RGS6: variants seen among roughly 807,000 people sequenced by gnomAD.
RGS6 encodes regulator of G-protein signaling 6.
In RGS6, 30 loss-of-function variants were observed where a neutral mutation model predicts 78.5. The observed-to-expected ratio is 0.38, with a 90% confidence interval of 0.29 to 0.52. The LOEUF (loss-of-function observed/expected upper bound fraction) is 0.52, where lower values mean the gene tolerates loss of function less well. RGS6 is among the 20% of genes least tolerant of loss of function. The pLI is 0.85. For synonymous variants in RGS6, 206 were observed against 206.0 expected (o/e 1.00, Z 0.00); for missense variants, 495 against 609.7 (o/e 0.81, Z 1.98).
chr14:72,498,322 T>C (rs1157507053), intron 13 of RGS6, among the ~76,000 whole-genome samples: 4 of 152,236 alleles, frequency 2.6e-5, no homozygotes, highest in African/African-American at 9.6e-5. Context: ...TAGAGAATCA[T>C]CATTTCTGCT....
chr14:72,033,141 A>G (rs1486220267), intron 2 of RGS6, among the ~76,000 whole-genome samples: 1 of 152,220 alleles, frequency 6.6e-6, no homozygotes, highest in Non-Finnish European at 1.5e-5. Flanking sequence ...CTTCCAATAC[A>G]AAGTCAATTT....
At chr14:72,216,852 G>T (rs756983252) in intron 2 of RGS6, among the ~76,000 whole-genome samples, 1 of 152,104 alleles carries the variant, frequency 6.6e-6, no homozygotes, top group Non-Finnish European at 1.5e-5. Flanking sequence ...CAAGGTGACA[G>T]TTCTCTCTGA....
intron 2 of RGS6, among the ~76,000 whole-genome samples, chr14:72,168,028 C>T (rs1353253626): frequency 6.6e-6 from 1 of 152,064 alleles, no homozygotes; most frequent in East Asian, 1.9e-4. Context: ...CTAGGGGATC[C>T]CAGCAGTCAC....
intron 2 of RGS6, among the ~76,000 whole-genome samples, chr14:72,303,117 G>A (rs1283632123): frequency 1.3e-5 from 2 of 152,134 alleles, no homozygotes; most frequent in African/African-American, 4.8e-5. Flanking sequence ...AGCCATAAAA[G>A]GCCAAGATCA....
chr14:72,452,702 G>A (rs1483509420), intron 3 of RGS6, among the ~76,000 whole-genome samples: 2 of 152,204 alleles, frequency 1.3e-5, no homozygotes, highest in African/African-American at 2.4e-5. Context: ...TATCTAAAAT[G>A]TCTCCCCTTG....
Position 72,069,128 on chromosome 14 carries a change from C to T in RGS6, c.84+104253C>T, listed in dbSNP as rs10145733. 4.4e-3 allele frequency among the ~76,000 whole-genome samples: 673 copies of T among 151,992 alleles called. 7 individuals are homozygous for T. Among genetic ancestry groups the T allele is most frequent in the African/African-American group, 0.015 (629 of 41,466 alleles). The stretch of plus-strand genomic sequence containing the variant: ...CTGGGATTACAGGTGCATGCCACCA[C>T]GCCTGGCTAATATTTTGTATTTTTA... On this transcript the variant is annotated intron_variant, in intron 2 of 17. Transcript: ENST00000553525.
At chr14:72,525,191 C>T (rs1325150062) in intron 15 of RGS6, among the ~76,000 whole-genome samples, 1 of 152,150 alleles carries the variant, frequency 6.6e-6, no homozygotes, top group African/African-American at 2.4e-5. Context: ...ACAATTTGTC[C>T]CTTAGCTTTC....
intron 2 of RGS6, among the ~76,000 whole-genome samples, chr14:72,293,188 A>G (rs762351877): frequency 5.9e-5 from 9 of 152,192 alleles, no homozygotes; most frequent in Non-Finnish European, 7.3e-5. Flanking sequence ...CTTACTGGGT[A>G]TTCCCGTCAG....
chr14:72,406,649 C>T (rs192076057), intron 3 of RGS6, among the ~76,000 whole-genome samples: 2 of 152,304 alleles, frequency 1.3e-5, no homozygotes, highest in South Asian at 2.1e-4. Context: ...CTTTATAGAG[C>T]TGGAGTGCAA....
At chr14:72,047,700 A>G (rs548036338) in intron 2 of RGS6, among the ~76,000 whole-genome samples, 1 of 151,992 alleles carries the variant, frequency 6.6e-6, no homozygotes, top group African/African-American at 2.4e-5. Flanking sequence ...TTGCCTTCAT[A>G]TCATGGTTTG....
chr14:72,039,813 A>ATTTTTT (rs3053082), intron 2 of RGS6, among the ~76,000 whole-genome samples: 34 of 68,840 alleles, frequency 4.9e-4, no homozygotes, highest in African/African-American at 5.2e-4. Context: ...TGTTTCATTG[A>ATTTTTT]TTTTTTTTTT....
chr14:72,253,282 C>T (rs886203942), intron 2 of RGS6, among the ~76,000 whole-genome samples: 4 of 152,204 alleles, frequency 2.6e-5, no homozygotes, highest in Non-Finnish European at 5.9e-5. Context: ...AACAGAGCCA[C>T]GGCCCACCTG....
rs115965419 is a variant in RGS6 at position 71,975,196 on chromosome 14, G to A, written c.84+10321G>A. Among the ~76,000 whole-genome samples the A allele has an allele frequency of 7.8e-3, 1,192 of 152,218 alleles. 25 individuals carry two copies. The highest frequency in any genetic ancestry group is 0.028 in the African/African-American group (1,163 of 41,520). On this transcript the variant is annotated intron_variant, in intron 2 of 17. Transcript: ENST00000553525. ...CTTTGTTTCATCTTCATTTTGTGAAGGGTGTTTTTTCTAGATTTAGAATTC... is the reference window on the plus strand; with the variant it reads ...CTTTGTTTCATCTTCATTTTGTGAAAGGTGTTTTTTCTAGATTTAGAATTC...
the RGS6 span, chr14:72,629,797 C>T: frequency 7.6e-7 from 1 of 1,313,074 alleles, no homozygotes; most frequent in South Asian, 1.3e-5. Context: ...CCCTCAACAC[C>T]ACTCACTGGA....
chr14:72,048,487 A>C (rs759954286), intron 2 of RGS6, among the ~76,000 whole-genome samples: 1 of 152,206 alleles, frequency 6.6e-6, no homozygotes. Flanking sequence ...ATGAGGCAGT[A>C]TGAAATGAAG....
intron 2 of RGS6, among the ~76,000 whole-genome samples, chr14:71,993,421 A>C (rs1188502894): frequency 6.6e-6 from 1 of 152,220 alleles, no homozygotes; most frequent in Non-Finnish European, 1.5e-5. Flanking sequence ...TAGTAATAAT[A>C]ATGAAATGAA....
the RGS6 span, among the ~76,000 whole-genome samples, chr14:71,881,108 C>T: frequency 6.6e-6 from 1 of 152,234 alleles, no homozygotes; most frequent in Non-Finnish European, 1.5e-5. Context: ...TTCAGACTTG[C>T]ATGGGACCTT....
the RGS6 span, among the ~76,000 whole-genome samples, chr14:72,616,628 G>A: frequency 1.3e-5 from 2 of 152,174 alleles, no homozygotes; most frequent in South Asian, 4.1e-4. Context: ...CAGGGCAAGT[G>A]TTACTATCTC....
At chr14:72,484,316 TG>T (rs1156545677) in intron 12 of RGS6, among the ~76,000 whole-genome samples, 1 of 152,218 alleles carries the variant, frequency 6.6e-6, no homozygotes, top group Admixed American at 6.5e-5. Context: ...TTTGTTTGTT[TG>T]TTTGTTTGTT....
Sources: gnomAD v4.1 joint callset for allele counts (sites outside exome capture counted in the v4.1 genomes callset) on GRCh38, gnomAD v4.1.1 for gene constraint, MANE v1.5 for transcripts, NCBI Gene and HGNC (gene_info 2026-07-23, HGNC 2026-07-21) for gene names.